Variants in C10orf105 observed in about 807,000 individuals in gnomAD.
The protein encoded by C10orf105 is chromosome 10 open reading frame 105.
A neutral mutation model predicts 0.6 loss-of-function variants in C10orf105; 2 were observed. The observed-to-expected ratio is 3.18, with a 90% CI of 1.30 to 10.01. The LOEUF (loss-of-function observed/expected upper bound fraction) is 10.01. Ranked by LOEUF, C10orf105 falls within the 30% of genes most tolerant of loss-of-function variation. C10orf105 has a pLI of 0.04. For missense variants in C10orf105, 209 were observed against 191.4 expected (o/e 1.09, Z -0.54); for synonymous variants, 95 against 82.4 (o/e 1.15, Z -0.83).
intron 1 of C10orf105, chr10:71,734,151 A>G: frequency 9.8e-7 from 1 of 1,021,396 alleles, no homozygotes; most frequent in African/African-American, 1.6e-5. Context: ...GGACAGAGGA[A>G]GTGACATGGA....
At chr10:71,731,561 A>ACACTGAAGCCCTTCTGTCGAAGGGAC (rs1184610600) in intron 1 of C10orf105, among the ~76,000 whole-genome samples, 3 of 152,150 alleles carry the variant, frequency 2.0e-5, no homozygotes, top group Non-Finnish European at 4.4e-5. Flanking sequence ...GGTGTCCCTG[A>ACACTGAAGCCCTTCTGTCGAAGGGAC]CACTGAAGCC....
chr10:71,730,684 G>T, intron 1 of C10orf105: 2 of 1,570,014 alleles, frequency 1.3e-6, no homozygotes, highest in East Asian at 2.3e-5. Flanking sequence ...CCTTCGAAAC[G>T]GTCATCCCTG....
rs577614701 is a variant in C10orf105 at position 71,727,020 on chromosome 10, C to T, written c.-5-10678G>A. Among the ~76,000 whole-genome samples, 9 of 152,316 alleles carry T rather than the reference C, an allele frequency of 5.9e-5. No homozygotes were observed. The East Asian group carries it at 1.5e-3, about 26-fold the overall frequency. On this transcript the variant is annotated intron_variant, in intron 1 of 1. Coordinates refer to the C10orf105 transcript ENST00000398786. ...AGGGGTGGGGCTCCCAGAGCCACAC[C>T]TGCTCAGCTACTTACGTCCTGCCCG... is the stretch of plus-strand genomic sequence containing the variant.
rs2132805070 is a variant in C10orf105, at chr10:71,725,400, T to C, written c.-5-9058A>G. ...ACCATGGCAACAACTTCCGGATCCATGTCAGCAATGGGCTCCTGATGCGAG... is the reference window on the plus strand; with the variant it reads ...ACCATGGCAACAACTTCCGGATCCACGTCAGCAATGGGCTCCTGATGCGAG... On this transcript the variant is annotated intron_variant, in intron 1 of 1. Transcript: ENST00000398786. 6.2e-7 allele frequency: 1 copy of C among 1,614,020 alleles called. No homozygotes were observed. Among genetic ancestry groups the C allele is most frequent in the Non-Finnish European group, 8.5e-7 (1 of 1,179,892 alleles).
chr10:71,724,168 T>G, upstream of C10orf105: 1 of 1,524,812 alleles, frequency 6.6e-7, no homozygotes, highest in Non-Finnish European at 8.9e-7. Context: ...AGAGCTTCTC[T>G]AGGCTGCCAA....
chr10:71,731,903 G>GT, intron 1 of C10orf105: 1 of 1,453,346 alleles, frequency 6.9e-7, no homozygotes. Context: ...CACCCAGGGG[G>GT]TATGGGTGTG....
Position 71,713,191 on chromosome 10 carries a change from C to G in C10orf105, c.*2745G>C, listed in dbSNP as rs1297552072. 1.3e-6 allele frequency: 1 copy of G among 779,364 alleles called. No homozygotes were observed. The highest frequency in any genetic ancestry group is 1.3e-5 in the South Asian group (1 of 74,530). The allele number at this position is 779,364 out of a possible 1,614,324, so 48.3% of individuals were successfully genotyped here. A position where few individuals can be genotyped will look rare whatever the true frequency, so the allele number is the denominator to read the frequency against. Reference sequence around the variant, plus strand: ...CCCAGCAAGGCCCAGAACAGAGCTGCTTTCACAGAGCCCTTGGCCGAGGCT... The same window carrying G: ...CCCAGCAAGGCCCAGAACAGAGCTGGTTTCACAGAGCCCTTGGCCGAGGCT... On this transcript the variant is annotated 3_prime_UTR_variant, in exon 2 of 2. Coordinates refer to ENST00000441508, the MANE Select transcript of C10orf105 (RefSeq NM_001164375.3).
intron 1 of C10orf105, chr10:71,730,692 C>T: frequency 6.4e-7 from 1 of 1,554,924 alleles, no homozygotes; most frequent in East Asian, 2.3e-5. Context: ...ACGGTCATCC[C>T]TGATGCTTCA....
chr10:71,734,783 G>A, intron 1 of C10orf105: 1 of 575,892 alleles, frequency 1.7e-6, no homozygotes, highest in Non-Finnish European at 3.2e-6. Context: ...GCCTGCAGCA[G>A]GCCCCCTCCC....
At chr10:71,736,295 CTGTT>C (rs200057138) in intron 1 of C10orf105, among the ~76,000 whole-genome samples, 447 of 152,360 alleles carry the variant, frequency 2.9e-3, no homozygotes, top group Admixed American at 9.0e-3. Flanking sequence ...GCCCCAAACA[CTGTT>C]TGAGGTGCTA....
intron 1 of C10orf105, among the ~76,000 whole-genome samples, chr10:71,727,462 G>A (rs7922119): frequency 0.26 from 39,032 of 152,138 alleles, 5,708 homozygotes; most frequent in South Asian, 0.39. Flanking sequence ...AGAGCTGGGG[G>A]CCTTCCTGAA....
intron 1 of C10orf105, among the ~76,000 whole-genome samples, chr10:71,718,347 C>T (rs997435493): frequency 6.6e-6 from 1 of 152,172 alleles, no homozygotes; most frequent in African/African-American, 2.4e-5. Context: ...ATGCAGAGCA[C>T]CCCACCTCCC....
At position 71,716,339 on chromosome 10, in the gene C10orf105, G is replaced by C; in HGVS notation, c.-2C>G. 5 of 1,469,130 alleles carry C rather than the reference G, an allele frequency of 3.4e-6. No individual in the cohort carries two copies. The highest frequency in any genetic ancestry group is 2.8e-5 in the South Asian group (2 of 71,500). 91.0% of individuals were successfully genotyped at this position (1,469,130 alleles called of 1,614,324 possible). ...GAGGCTGGGGCCCTCTGTGCTCATG[G>C]CTCCTGCAACAGCAACAAGACAGAA... is the stretch of plus-strand genomic sequence containing the variant. On this transcript the variant is annotated 5_prime_UTR_variant, in exon 2 of 2. Coordinates refer to ENST00000441508, the MANE Select transcript of C10orf105 (RefSeq NM_001164375.3).
rs1426707383 is a variant in C10orf105, at chr10:71,725,247, A to C, written c.-5-8905T>G. 6.6e-6 allele frequency: 10 copies of C among 1,508,858 alleles called. No homozygotes were observed. The Admixed American group carries it at 1.3e-4, about 20-fold the overall frequency. 93.5% of individuals were successfully genotyped at this position (1,508,858 alleles called of 1,614,324 possible). ...CTCTCCACTGTGAATTCTGTGTCCC[A>C]GAAGACCCGCAGCCTCCTCACAAGG... On this transcript the variant is annotated intron_variant, in intron 1 of 1. Transcript: ENST00000398786.
chr10:71,735,107 C>T (rs950077089), intron 1 of C10orf105, among the ~76,000 whole-genome samples: 1 of 152,230 alleles, frequency 6.6e-6, no homozygotes, highest in Non-Finnish European at 1.5e-5. Context: ...CTTTGTAAGC[C>T]AGTCCTGGAA....
chr10:71,734,356 G>A, intron 1 of C10orf105: 1 of 1,595,854 alleles, frequency 6.3e-7, no homozygotes. Context: ...GTGGGACCAG[G>A]GTGAGAGTCC....
At chr10:71,727,276 G>A (rs1304060422) in intron 1 of C10orf105, among the ~76,000 whole-genome samples, 1 of 152,204 alleles carries the variant, frequency 6.6e-6, no homozygotes, top group African/African-American at 2.4e-5. Flanking sequence ...GCCAGCTTGA[G>A]CCTGTCCCCT....
chr10:71,730,354 C>G, intron 1 of C10orf105: 10 of 1,364,448 alleles, frequency 7.3e-6, no homozygotes, highest in South Asian at 5.7e-5. Context: ...CTAGAGGGAG[C>G]TCACAGCAGG....
At chr10:71,717,459 A>G (rs1029968313) in intron 1 of C10orf105, 4 of 152,290 alleles carry the variant, frequency 2.6e-5, no homozygotes, top group Non-Finnish European at 4.4e-5. Context: ...CAGGGACATC[A>G]TACACCTGAC....
Sources: gnomAD v4.1 joint callset for allele counts (sites outside exome capture counted in the v4.1 genomes callset) on GRCh38, gnomAD v4.1.1 for gene constraint, MANE v1.5 for transcripts, NCBI Gene and HGNC (gene_info 2026-07-23, HGNC 2026-07-21) for gene names.